CDH18: variants seen among roughly 807,000 people sequenced by gnomAD.
CDH18 encodes the protein cadherin 18.
CDH18 carries 31 observed loss-of-function variants against 67.9 expected under a neutral mutation model. The ratio of observed to expected loss-of-function variants is 0.46; its 90% CI spans 0.34 to 0.62. The LOEUF (loss-of-function observed/expected upper bound fraction) is 0.62. Among genes scored for constraint, CDH18 ranks in the 20% least tolerant of loss-of-function variants. The pLI, the probability that CDH18 is intolerant of heterozygous loss-of-function variation, is 0.01. For missense variants in CDH18, 890 were observed against 975.5 expected (o/e 0.91, Z 1.17); for synonymous variants, 362 against 347.2 (o/e 1.04, Z -0.48).
At chr5:19,562,772 A>T (rs938285134) in intron 8 of CDH18, among the ~76,000 whole-genome samples, 4 of 152,178 alleles carry the variant, frequency 2.6e-5, no homozygotes, top group African/African-American at 9.6e-5. Flanking sequence ...CAAATTCTCA[A>T]CAAGAAGTAA....
chr5:20,315,460 T>C (rs1580733127), intron 1 of CDH18, among the ~76,000 whole-genome samples: 1 of 152,216 alleles, frequency 6.6e-6, no homozygotes, highest in Middle Eastern at 3.4e-3. Context: ...GTATTCTAAT[T>C]GATATCATGG....
At chr5:20,418,772 T>A (rs986078092) in intron 1 of CDH18, among the ~76,000 whole-genome samples, 1 of 152,110 alleles carries the variant, frequency 6.6e-6, no homozygotes, top group Non-Finnish European at 1.5e-5. Context: ...GTATATGCAA[T>A]GGGCTGAATG....
chr5:19,738,073 T>C (rs763051705), intron 4 of CDH18, among the ~76,000 whole-genome samples: 28 of 152,198 alleles, frequency 1.8e-4, no homozygotes, highest in Admixed American at 3.3e-4. Flanking sequence ...GCTCTGTCTC[T>C]GTGAAAATGT....
At chr5:19,921,100 C>CA (rs1467076742) in intron 2 of CDH18, among the ~76,000 whole-genome samples, 2 of 151,814 alleles carry the variant, frequency 1.3e-5, no homozygotes, top group Non-Finnish European at 1.5e-5. Flanking sequence ...AAGCTAGACA[C>CA]AAAAAAATGC....
chr5:20,325,931 G>T (rs1738532701), intron 1 of CDH18, among the ~76,000 whole-genome samples: 1 of 152,018 alleles, frequency 6.6e-6, no homozygotes, highest in Non-Finnish European at 1.5e-5. Flanking sequence ...TTCCCTCTTG[G>T]CTCCTGGGTG....
intron 3 of CDH18, among the ~76,000 whole-genome samples, chr5:19,748,530 G>A (rs763890829): frequency 2.2e-4 from 34 of 152,000 alleles, no homozygotes; most frequent in Non-Finnish European, 4.6e-4. Context: ...ATATTTTCAA[G>A]GATTGTTTCT....
At chr5:19,682,784 A>C (rs1220421752) in intron 5 of CDH18, among the ~76,000 whole-genome samples, 1 of 152,102 alleles carries the variant, frequency 6.6e-6, no homozygotes, top group Non-Finnish European at 1.5e-5. Context: ...GATACTATCA[A>C]ATTCCTTTAT....
chr5:19,820,481 C>T (rs1581499195), intron 3 of CDH18, among the ~76,000 whole-genome samples: 1 of 152,236 alleles, frequency 6.6e-6, no homozygotes, highest in African/African-American at 2.4e-5. Flanking sequence ...GATCCTCCAC[C>T]CTAGGCCCAC....
intron 1 of CDH18, among the ~76,000 whole-genome samples, chr5:20,350,261 T>C (rs1209433901): frequency 6.6e-6 from 1 of 152,128 alleles, no homozygotes; most frequent in Non-Finnish European, 1.5e-5. Flanking sequence ...ATATACACAA[T>C]GGAAAACAAT....
chr5:19,702,870 G>A (rs148060719), intron 5 of CDH18, among the ~76,000 whole-genome samples: 1,529 of 152,236 alleles, frequency 0.01, 20 homozygotes, highest in African/African-American at 0.035. Context: ...GGCCCACCCA[G>A]GGCAGAAAAC....
chr5:19,714,510 GA>G (rs1266861753), intron 5 of CDH18, among the ~76,000 whole-genome samples: 3 of 125,238 alleles, frequency 2.4e-5, no homozygotes, highest in African/African-American at 7.4e-5. Context: ...GACAAAGTGA[GA>G]TTTTTTTTTT....
At chr5:19,913,999 A>G (rs1791467435) in intron 2 of CDH18, among the ~76,000 whole-genome samples, 1 of 152,182 alleles carries the variant, frequency 6.6e-6, no homozygotes, top group Admixed American at 6.6e-5. Context: ...GATTCTCTAA[A>G]AAATGAGACC....
At chr5:20,503,484 T>C (rs1486372240) in intron 1 of CDH18, among the ~76,000 whole-genome samples, 1 of 152,158 alleles carries the variant, frequency 6.6e-6, no homozygotes. Flanking sequence ...GTTGATATCA[T>C]TCTCATTTTT....
At chr5:20,501,858 T>C (rs1033660969) in intron 1 of CDH18, among the ~76,000 whole-genome samples, 1 of 148,128 alleles carries the variant, frequency 6.8e-6, no homozygotes, top group Non-Finnish European at 1.5e-5. Flanking sequence ...ACTCAGTCCA[T>C]CAGGAGATTG....
intron 5 of CDH18, among the ~76,000 whole-genome samples, chr5:19,662,275 T>C (rs1757287666): frequency 6.6e-6 from 1 of 152,180 alleles, no homozygotes; most frequent in East Asian, 1.9e-4. Flanking sequence ...AGAATTTCTC[T>C]TGATATTCCG....
chr5:20,212,052 G>C (rs968267696), intron 2 of CDH18, among the ~76,000 whole-genome samples: 64 of 152,178 alleles, frequency 4.2e-4, no homozygotes, highest in African/African-American at 1.5e-3. Flanking sequence ...TAGATGAATG[G>C]CTAACTAGAG....
chr5:19,929,150 G>A (rs1329991751), intron 2 of CDH18, among the ~76,000 whole-genome samples: 2 of 143,358 alleles, frequency 1.4e-5, no homozygotes, highest in African/African-American at 6.0e-5. Flanking sequence ...TATGATCAAT[G>A]GAAAAGAAAA....
intron 1 of CDH18, among the ~76,000 whole-genome samples, chr5:20,523,397 T>G (rs1354964327): frequency 6.6e-6 from 1 of 152,120 alleles, no homozygotes; most frequent in Non-Finnish European, 1.5e-5. Flanking sequence ...ACATCTCAGT[T>G]TAGTTGAATC....
rs148337807 is a variant in CDH18 at position 19,752,413 on chromosome 5, C to T, written c.229-5177G>A. The stretch of plus-strand genomic sequence containing the variant: ...AAGCCTGTGACTCCCGGCTCTCCCC[C>T]ACTTCCTTGACAACCTGCAGAACTC... On this transcript the variant is annotated intron_variant, in intron 3 of 12. Transcript: ENST00000382275. Among the ~76,000 whole-genome samples the T allele has an allele frequency of 5.4e-3, 820 of 152,220 alleles. 2 individuals are homozygous for T. The highest frequency in any genetic ancestry group is 0.012 in the South Asian group (57 of 4,828).
Sources: allele counts gnomAD v4.1 joint callset (sites outside exome capture counted in the v4.1 genomes callset), GRCh38; gene constraint gnomAD v4.1.1; transcripts MANE v1.5; gene names NCBI Gene and HGNC (gene_info 2026-07-23, HGNC 2026-07-21).